The following MED13 variants were observed in gnomAD, a reference collection of about 807,000 sequenced individuals.
MED13 encodes mediator of RNA polymerase II transcription subunit 13.
Under a neutral mutation model 225.2 loss-of-function variants are expected in MED13, and 23 were observed. The ratio of observed to expected loss-of-function variants is 0.10; its 90% CI spans 0.07 to 0.14. The LOEUF is 0.14. Among genes scored for constraint, MED13 ranks in the 10% least tolerant of loss-of-function variants. The pLI, the probability that MED13 is intolerant of heterozygous loss-of-function variation, is 1.00. For missense variants in MED13, 2,197 were observed against 2,594.5 expected, an observed-to-expected ratio of 0.85 and a Z score of 3.33; for synonymous variants, 942 against 889.2, an observed-to-expected ratio of 1.06 and a Z score of -1.06.
At position 61,968,116 on chromosome 17, in the gene MED13, G is replaced by C; in HGVS notation, c.4110C>G (p.Ala1370=). 6.2e-7 allele frequency: 1 copy of C among 1,613,958 alleles called. No individual in the cohort carries two copies. Residue 1370 remains alanine (A), a synonymous_variant, in exon 18 of 30, where the codon GCC becomes GCG. Transcript: ENST00000397786. ...LEPYGSQRDI[A]YVVLCPENEA... is the part of the protein sequence containing the mutation. ...CATTTTCTGGACACAGTACAACATAGGCTATATCTCTTTGAGATCCATAGG... is the reference window on the plus strand; with the variant it reads ...CATTTTCTGGACACAGTACAACATACGCTATATCTCTTTGAGATCCATAGG...
Position 61,981,771 on chromosome 17 carries a change from TTTTG to T in MED13, c.3805+423_3805+426del, listed in dbSNP as rs1414728657. Among the ~76,000 whole-genome samples the T allele has an allele frequency of 7.2e-5, 11 of 152,366 alleles. No homozygotes were observed. In the Middle Eastern group the frequency reaches 0.01, roughly 141 times the overall value. On this transcript the variant is annotated intron_variant, in intron 16 of 29. Coordinates refer to ENST00000397786, the MANE Select transcript of MED13 (RefSeq NM_005121.3). ...ACTTCTTACTATCTATTATATGCTT[TTTTG>T]TTTATTTCCTATTTTCTCCACTAAA...
chr17:61,991,200 T>C (rs28755966), intron 11 of MED13, among the ~76,000 whole-genome samples: 57,594 of 151,716 alleles, frequency 0.38, 13,505 homozygotes, highest in East Asian at 0.73. Flanking sequence ...CTCACTGCAA[T>C]CTCTGCCTCT....
chr17:61,951,679 T>C (rs2079897998), intron 27 of MED13, among the ~76,000 whole-genome samples: 1 of 152,066 alleles, frequency 6.6e-6, no homozygotes, highest in South Asian at 2.1e-4. Flanking sequence ...AACATAAACG[T>C]ATGTGGAAAG....
At chr17:62,048,963 T>C (rs1472461875) in intron 3 of MED13, among the ~76,000 whole-genome samples, 2 of 151,816 alleles carry the variant, frequency 1.3e-5, no homozygotes, top group Non-Finnish European at 2.9e-5. Flanking sequence ...CTTAAGAGCC[T>C]GCAATTCTGC....
chr17:62,021,745 G>C (rs1281183949), intron 8 of MED13, among the ~76,000 whole-genome samples: 1 of 152,216 alleles, frequency 6.6e-6, no homozygotes, highest in African/African-American at 2.4e-5. Context: ...AAAAGTGTGA[G>C]TAAAATCGGT....
chr17:62,045,387 T>C (rs1474611182), intron 3 of MED13, among the ~76,000 whole-genome samples: 1 of 152,060 alleles, frequency 6.6e-6, no homozygotes, highest in East Asian at 1.9e-4. Flanking sequence ...CCAGGCGTGG[T>C]TGGTGTGTGC....
At chr17:62,057,021 A>G (rs1003016270) in intron 2 of MED13, among the ~76,000 whole-genome samples, 10 of 152,136 alleles carry the variant, frequency 6.6e-5, no homozygotes, top group African/African-American at 1.7e-4. Context: ...ATCAATGGGG[A>G]AAAAAAATCA....
At chr17:62,050,499 CAA>C (rs200105012) in intron 3 of MED13, among the ~76,000 whole-genome samples, 8 of 131,458 alleles carry the variant, frequency 6.1e-5, no homozygotes, top group Non-Finnish European at 8.3e-5. Context: ...CTGTTGTGAC[CAA>C]AAAAAAAAAA....
chr17:61,963,081 C>G (rs1239279589), intron 20 of MED13, 110 bp from the exon 21 acceptor site: 6 of 765,590 alleles, frequency 7.8e-6, no homozygotes, highest in African/African-American at 1.8e-5. Context: ...TGAAAGGTGT[C>G]AGAAAGCCTC....
At chr17:62,028,340 G>T (rs1437023000) in intron 8 of MED13, among the ~76,000 whole-genome samples, 1 of 152,152 alleles carries the variant, frequency 6.6e-6, no homozygotes, top group Non-Finnish European at 1.5e-5. Flanking sequence ...GTAGCTAAAT[G>T]ATGAGAACTC....
At chr17:61,959,711 C>T (rs963607179) in intron 23 of MED13, among the ~76,000 whole-genome samples, 3 of 148,700 alleles carry the variant, frequency 2.0e-5, no homozygotes, top group African/African-American at 7.4e-5. Flanking sequence ...AGAAAATAAA[C>T]GATAGAACCC....
At position 61,982,869 on chromosome 17, in the gene MED13, G is replaced by T. The variant is rs201705934; in HGVS notation, c.3134C>A (p.Ala1045Asp). The T allele has an allele frequency of 7.6e-5, 123 of 1,614,202 alleles. No homozygotes were observed. The highest frequency in any genetic ancestry group is 9.0e-5 in the Non-Finnish European group (106 of 1,180,034). The change falls in exon 16 of 30, where the codon GCT becomes GAT. Residue 1045 changes from alanine (A) to aspartate (D), a missense_variant. Coordinates refer to ENST00000397786, the MANE Select transcript of MED13 (RefSeq NM_005121.3). ...GGGTCTGCATGTAGATGGGGTAGAAGCTGGTGAATACAAGTCTGAATTTTC... is the reference window on the plus strand; with the variant it reads ...GGGTCTGCATGTAGATGGGGTAGAATCTGGTGAATACAAGTCTGAATTTTC... ...KYENSDLYSPASTPSTCRPLN... is the reference protein window; with the variant it reads ...KYENSDLYSPDSTPSTCRPLN...
chr17:61,978,151 C>CA (rs567706441), intron 16 of MED13, among the ~76,000 whole-genome samples: 1 of 144,886 alleles, frequency 6.9e-6, no homozygotes, highest in African/African-American at 2.5e-5. Context: ...CAAAAACTGC[C>CA]TTTTTTTTTT....
At chr17:62,014,818 G>A (rs894474089) in intron 8 of MED13, among the ~76,000 whole-genome samples, 3 of 152,104 alleles carry the variant, frequency 2.0e-5, no homozygotes, top group African/African-American at 7.2e-5. Flanking sequence ...CTGAGGAACT[G>A]AATTTTTAAT....
chr17:62,049,808 T>C (rs1028593837), intron 3 of MED13, among the ~76,000 whole-genome samples: 12 of 151,730 alleles, frequency 7.9e-5, no homozygotes, highest in African/African-American at 2.9e-4. Flanking sequence ...CGGGCACCTG[T>C]AGTCCCAGCT....
intron 4 of MED13, 144 bp downstream of exon 4, chr17:62,035,319 G>A: frequency 1.3e-6 from 1 of 754,954 alleles, no homozygotes; most frequent in Non-Finnish European, 2.0e-6. Flanking sequence ...CACTGTAATG[G>A]GGAAGGAAAA....
intron 9 of MED13, among the ~76,000 whole-genome samples, chr17:61,997,615 G>A (rs2080357311): frequency 6.6e-6 from 1 of 152,040 alleles, no homozygotes; most frequent in African/African-American, 2.4e-5. Context: ...ACTTTGATGT[G>A]GAAATTATGT....
At chr17:61,973,271 C>T (rs956018356) in intron 16 of MED13, among the ~76,000 whole-genome samples, 1 of 151,856 alleles carries the variant, frequency 6.6e-6, no homozygotes, top group African/African-American at 2.4e-5. Context: ...CCATCATTAG[C>T]ACTACTATGG....
At chr17:61,990,414 TAGGAGAC>T in intron 11 of MED13, among the ~76,000 whole-genome samples, 1 of 151,998 alleles carries the variant, frequency 6.6e-6, no homozygotes, top group South Asian at 2.1e-4. Flanking sequence ...GGGGTTACAA[TAGGAGAC>T]TAACAATTCT....
Sources: allele counts gnomAD v4.1 joint callset (sites outside exome capture counted in the v4.1 genomes callset), GRCh38; gene constraint gnomAD v4.1.1; transcripts MANE v1.5; gene names NCBI Gene and HGNC (gene_info 2026-07-23, HGNC 2026-07-21).